The following POLR2B variants were observed in gnomAD, a reference collection of about 807,000 sequenced individuals.
POLR2B encodes DNA-directed RNA polymerase II subunit RPB2.
POLR2B carries 57 observed loss-of-function variants against 144.6 expected under a neutral mutation model. That is an observed-to-expected ratio of 0.39 (90% CI 0.32 to 0.49). The LOEUF (loss-of-function observed/expected upper bound fraction) is 0.49, where lower values mean the gene tolerates loss of function less well. Among genes scored for constraint, POLR2B ranks in the 20% least tolerant of loss-of-function variants. The pLI is 0.83. For missense variants in POLR2B, 595 were observed against 1,467.4 expected (o/e 0.41, Z 9.71); for synonymous variants, 442 against 469.8 (o/e 0.94, Z 0.77).
rs1477953071 is a variant in POLR2B, at chr4:56,990,742, T to C, written c.93-6T>C. 6.3e-7 allele frequency: 1 copy of C among 1,599,830 alleles called. No individual in the cohort carries two copies. Among genetic ancestry groups the C allele is most frequent in the Non-Finnish European group, 8.5e-7 (1 of 1,174,504 alleles). ...TGCAACTGACTGAACTCAAATATTT[T>C]CCCAGTTCCTATTTTGACGAGAAAG... is the stretch of plus-strand genomic sequence containing the variant. On this transcript the variant is annotated splice_region_variant and splice_polypyrimidine_tract_variant and intron_variant, in intron 2 of 24. Transcript: ENST00000314595.
Position 57,023,425 on chromosome 4 carries a change from G to A in POLR2B, c.2611G>A (p.Val871Ile). 2.5e-6 allele frequency: 4 copies of A among 1,613,934 alleles called. No homozygotes were observed. The highest frequency in any genetic ancestry group is 3.4e-6 in the Non-Finnish European group (4 of 1,179,850). ...SGDDVIIGKT[V>I]TLPENEDELE... ...AGATGATGTTATTATAGGCAAAACA[G>A]TCACCTTGCCTGAAAATGAAGATGA... The change falls in exon 19 of 25, where the codon GTC becomes ATC. Residue 871 changes from valine to isoleucine, a missense_variant. Physicochemically the swap from Val to Ile is conservative, Grantham distance 29. Coordinates refer to ENST00000314595, the MANE Select transcript of POLR2B (RefSeq NM_000938.3). This position sits in a 1 kb window ranked among gnomAD's most constrained non-coding sequence, Gnocchi z 4.3.
chr4:56,999,806 A>G, intron 7 of POLR2B, 25 bp downstream of exon 7: 1 of 1,516,138 alleles, frequency 6.6e-7, no homozygotes, highest in Non-Finnish European at 9.1e-7. Flanking sequence ...AAATGTATTC[A>G]CAGAGCTTTA....
rs760090936 is a variant in POLR2B at position 56,992,492 on chromosome 4, A to AAAGG, written c.243+1594_243+1595insAAGG. Among the ~76,000 whole-genome samples the AAAGG allele has an allele frequency of 4.5e-5, 4 of 88,480 alleles. 1 individual carries two copies. Among genetic ancestry groups the AAAGG allele is most frequent in the South Asian group, 8.6e-4 (2 of 2,336 alleles). The allele number at this position is 88,480 out of a possible 152,430, so 58.0% of individuals were successfully genotyped here. On this transcript the variant is annotated intron_variant, in intron 3 of 24. Coordinates refer to ENST00000314595, the MANE Select transcript of POLR2B (RefSeq NM_000938.3). ...AAAAAAAAAAAAAAAAAAAAAAAAA[A>AAAGG]GAAAAGAAAATACTTGGTGTATTTA...
At position 57,017,047 on chromosome 4, in the gene POLR2B, C is replaced by T; in HGVS notation, c.1960C>T (p.Gln654Ter). The T allele has an allele frequency of 6.4e-7, 1 of 1,559,584 alleles. No individual in the cohort carries two copies. Among genetic ancestry groups the T allele is most frequent in the Non-Finnish European group, 8.7e-7 (1 of 1,150,378 alleles). The change falls in exon 15 of 25, where the codon CAG (glutamine) becomes TAG (stop). Residue 654 changes from glutamine (Q) to a stop codon, truncating the protein, a stop_gained. Coordinates refer to ENST00000314595, the MANE Select transcript of POLR2B (RefSeq NM_000938.3). LOFTEE classifies it high-confidence loss of function. This position sits in a 1 kb window ranked among gnomAD's most constrained non-coding sequence, Gnocchi z 4.8. Reference protein sequence around the residue: ...KEREYNNYSWQDLVASGVVEY... With the variant: ...KEREYNNYSW The stretch of plus-strand genomic sequence containing the variant: ...ATTGAGTGAATTCTTTTTTAGTTGG[C>T]AGGATCTTGTGGCCAGTGGGGTAGT...
chr4:56,997,274 TC>T (rs1722718905), intron 6 of POLR2B, among the ~76,000 whole-genome samples: 1 of 151,818 alleles, frequency 6.6e-6, no homozygotes, highest in Non-Finnish European at 1.5e-5. Flanking sequence ...TTTTTTTTTT[TC>T]TGAGACAGGG....
intron 16 of POLR2B, among the ~76,000 whole-genome samples, chr4:57,019,716 C>G (rs1723479496): frequency 6.7e-6 from 1 of 149,920 alleles, no homozygotes; most frequent in African/African-American, 2.4e-5. Flanking sequence ...TCCATATAGT[C>G]AGCAGTCCTC....
chr4:56,979,061 G>A, intron 1 of POLR2B, 57 bp downstream of exon 1: 3 of 1,558,812 alleles, frequency 1.9e-6, no homozygotes, highest in Non-Finnish European at 8.8e-7. Context: ...GAAAGCGTTG[G>A]GAACTGATTG....
intron 1 of POLR2B, among the ~76,000 whole-genome samples, chr4:56,981,350 C>T (rs1268378610): frequency 2.6e-5 from 4 of 151,042 alleles, no homozygotes; most frequent in East Asian, 2.0e-4. Flanking sequence ...TAGTCATTTT[C>T]GGGTTCAAAC....
At chr4:56,984,876 GA>G (rs1239811277) in intron 1 of POLR2B, among the ~76,000 whole-genome samples, 1 of 151,104 alleles carries the variant, frequency 6.6e-6, no homozygotes, top group Non-Finnish European at 1.5e-5. Context: ...ATTTTTTTTT[GA>G]ATGCATATTT....
intron 2 of POLR2B, among the ~76,000 whole-genome samples, chr4:56,988,421 T>C (rs568162851): frequency 6.6e-6 from 1 of 152,026 alleles, no homozygotes; most frequent in Non-Finnish European, 1.5e-5. Context: ...CCCAACACTT[T>C]GGGAGGCTGA....
intron 2 of POLR2B, among the ~76,000 whole-genome samples, chr4:56,989,835 GA>G (rs1722457703): frequency 6.6e-6 from 1 of 152,132 alleles, no homozygotes; most frequent in East Asian, 1.9e-4. Flanking sequence ...GTGATCTGTT[GA>G]GATCCTCTTG....
At position 57,005,390 on chromosome 4, in the gene POLR2B, C is replaced by A. The variant is rs1291671350; in HGVS notation, c.1045C>A (p.Pro349Thr). ...GGAAGTTTTACAAAAAGAAATGCTCCCTCATGTTGGTGTCAGTGATTTTTG... is the reference window on the plus strand; with the variant it reads ...GGAAGTTTTACAAAAAGAAATGCTCACTCATGTTGGTGTCAGTGATTTTTG... Reference protein sequence around the residue: ...AKEVLQKEMLPHVGVSDFCET... With the variant: ...AKEVLQKEMLTHVGVSDFCET... Residue 349 changes from proline (P) to threonine (T), a missense_variant, in exon 8 of 25, where the codon CCT becomes ACT. By Grantham distance (38) the Pro-to-Thr change is conservative. Coordinates refer to ENST00000314595, the MANE Select transcript of POLR2B (RefSeq NM_000938.3). 3.1e-6 allele frequency: 5 copies of A among 1,603,846 alleles called. No homozygotes were observed. The highest frequency in any genetic ancestry group is 4.2e-6 in the Non-Finnish European group (5 of 1,177,010).
chr4:57,008,210 T>G (rs899773010), intron 10 of POLR2B, among the ~76,000 whole-genome samples: 1 of 151,080 alleles, frequency 6.6e-6, no homozygotes, highest in Non-Finnish European at 1.5e-5. Context: ...GAATTGGTTT[T>G]TTTTTTTTTT....
chr4:56,994,439 T>C lies in POLR2B; in HGVS notation c.279T>C (p.Leu93=). 1 of 1,607,910 alleles carries C rather than the reference T, an allele frequency of 6.2e-7. No homozygotes were observed. The highest frequency in any genetic ancestry group is 8.5e-7 in the Non-Finnish European group (1 of 1,174,474). The stretch of plus-strand genomic sequence containing the variant: ...TGCTGAAGTTTGAACAAATTTATCT[T>C]TCCAAGCCTACCCATTGGGAAAGAG... The part of the protein sequence containing the change: ...RYLLKFEQIY[L]SKPTHWERDG... Residue 93 remains leucine (L), a synonymous_variant, in exon 4 of 25, where the codon CTT becomes CTC. Coordinates refer to ENST00000314595, the MANE Select transcript of POLR2B (RefSeq NM_000938.3).
rs776247296 is a variant in POLR2B, at chr4:57,005,143, T to A, written c.901-103T>A. The A allele has an allele frequency of 1.3e-4, 74 of 549,248 alleles. 1 individual carries two copies. Among genetic ancestry groups the A allele is most frequent in the South Asian group, 1.2e-3 (25 of 20,026 alleles). The allele number at this position is 549,248 out of a possible 1,614,324, so 34.0% of individuals were successfully genotyped here. A position where few individuals can be genotyped will look rare whatever the true frequency, so the allele number is the denominator to read the frequency against. ...CTAAAAATACTCACATATTTTATTA[T>A]GTTCATAGGGGTACTTGGCATGTTA... On this transcript the variant is annotated intron_variant, in intron 7 of 24. Coordinates refer to ENST00000314595, the MANE Select transcript of POLR2B (RefSeq NM_000938.3).
chr4:57,026,452 A>G (rs1723723005), intron 23 of POLR2B, among the ~76,000 whole-genome samples: 1 of 152,194 alleles, frequency 6.6e-6, no homozygotes, highest in South Asian at 2.1e-4. Flanking sequence ...TCTTTAAAAC[A>G]ATGGTTCTCA....
chr4:56,988,354 T>G (rs1370214453), intron 2 of POLR2B, among the ~76,000 whole-genome samples: 1 of 151,894 alleles, frequency 6.6e-6, no homozygotes, highest in African/African-American at 2.4e-5. Flanking sequence ...TGGCCACAGG[T>G]AGAATTAAGA....
Position 57,005,260 on chromosome 4 carries a change from C to G in POLR2B, c.915C>G (p.Leu305=), listed in dbSNP as rs556114890. ...PEMMEMVKPS[L]DEAFVIQEQN... is the part of the protein sequence containing the mutation. ...TTGTCTGATAGGTTAAACCTTCTCT[C>G]GATGAAGCTTTTGTCATCCAAGAAC... The change falls in exon 8 of 25, where the codon CTC becomes CTG. Residue 305 remains leucine, a synonymous_variant. Coordinates refer to ENST00000314595, the MANE Select transcript of POLR2B (RefSeq NM_000938.3). 1.3e-6 allele frequency: 2 copies of G among 1,557,622 alleles called. No individual in the cohort carries two copies. The highest frequency in any genetic ancestry group is 1.7e-6 in the Non-Finnish European group (2 of 1,157,414).
intron 1 of POLR2B, among the ~76,000 whole-genome samples, chr4:56,980,400 T>C (rs776676692): frequency 2.0e-5 from 3 of 152,198 alleles, no homozygotes; most frequent in African/African-American, 7.2e-5. Context: ...TATATTCTCA[T>C]AGCTCACAAG....
Sources: gnomAD v4.1 joint callset for allele counts (sites outside exome capture counted in the v4.1 genomes callset) on GRCh38, gnomAD v4.1.1 for gene constraint, Gnocchi (gnomAD v3.1) non-coding constraint, MANE v1.5 for transcripts, NCBI Gene and HGNC (gene_info 2026-07-23, HGNC 2026-07-21) for gene names.